The following ASS1 variants were observed in gnomAD, a reference collection of about 807,000 sequenced individuals.
ASS1 encodes argininosuccinate synthase.
ASS1 carries 58 observed loss-of-function variants against 60.5 expected under a neutral mutation model. That is an observed-to-expected ratio of 0.96 (90% confidence interval 0.78 to 1.19). The LOEUF is 1.19. Among genes scored for constraint, ASS1 ranks in the 50% most tolerant of loss-of-function variants. ASS1 has a pLI of 0.00. For missense variants in ASS1, 454 were observed against 547.3 expected (o/e 0.83, Z 1.70); for synonymous variants, 200 against 206.9 (o/e 0.97, Z 0.29).
At chr9:130,493,742 C>A (rs544202924) in intron 12 of ASS1, among the ~76,000 whole-genome samples, 2 of 151,792 alleles carry the variant, frequency 1.3e-5, no homozygotes, top group Admixed American at 1.3e-4. Context: ...TCCCTCCCCC[C>A]GCCATGGCCT....
intron 8 of ASS1, among the ~76,000 whole-genome samples, chr9:130,474,454 TCGGG>T (rs1280533538): frequency 1.3e-5 from 2 of 152,040 alleles, no homozygotes; most frequent in Non-Finnish European, 2.9e-5. Context: ...CAGTTGACAG[TCGGG>T]CCCAGCGCAG....
chr9:130,494,877 C>T lies in ASS1; in HGVS notation c.981C>T (p.His327=). ...TTTTCCTCCCTGTAGGTTTCTGGCA[C>T]AGCCCTGAGTGTGAATTTGTCCGCC... The part of the protein sequence containing the change: ...FAELVYTGFW[H]SPECEFVRHC... The change falls in exon 13 of 15, where the codon CAC becomes CAT. Residue 327 remains histidine (H), a synonymous_variant. Coordinates refer to ENST00000352480, the MANE Select transcript of ASS1 (RefSeq NM_054012.4). The surrounding 1 kb of genome is among the most constrained non-coding windows in gnomAD (Gnocchi z 4.3). 2 of 1,613,448 alleles carry T rather than the reference C, an allele frequency of 1.2e-6. No homozygotes were observed. Among genetic ancestry groups the T allele is most frequent in the Non-Finnish European group, 1.7e-6 (2 of 1,179,870 alleles).
intron 4 of ASS1, among the ~76,000 whole-genome samples, chr9:130,458,844 A>C (rs1212845122): frequency 6.6e-6 from 1 of 152,214 alleles, no homozygotes; most frequent in Non-Finnish European, 1.5e-5. Context: ...CCCATTTGGC[A>C]GACTTGCTGC....
At position 130,448,909 on chromosome 9, in the gene ASS1, T is replaced by A. The variant is rs116207833; in HGVS notation, c.-5-3315T>A. Among the ~76,000 whole-genome samples, 1,333 of 152,264 alleles carry A rather than the reference T, an allele frequency of 8.8e-3. 21 individuals carry two copies. The highest frequency in any genetic ancestry group is 0.03 in the African/African-American group (1,242 of 41,562). On this transcript the variant is annotated intron_variant, in intron 1 of 14. Transcript: ENST00000352480. The stretch of plus-strand genomic sequence containing the variant: ...CCACAGCTTCAGGGCACCCCAGCCC[T>A]CTTTTTGCGGTGAGGAGCTGACCTC...
chr9:130,492,902 G>A (rs554718635), intron 12 of ASS1, among the ~76,000 whole-genome samples: 168 of 152,252 alleles, frequency 1.1e-3, no homozygotes, highest in African/African-American at 3.2e-3. Context: ...GGCTGGGTCC[G>A]CTGGGAAAAG....
chr9:130,478,034 A>C lies in ASS1; in HGVS notation c.688+1073A>C, dbSNP rs1341236930. Among the ~76,000 whole-genome samples the C allele has an allele frequency of 6.6e-6, 1 of 152,110 alleles. No homozygotes were observed. Among genetic ancestry groups the C allele is most frequent in the Non-Finnish European group, 1.5e-5 (1 of 68,020 alleles). The stretch of plus-strand genomic sequence containing the variant: ...CTTCACCATGCTGGGCCTTGGGTGC[A>C]CTCATCAAAAAACGGACCACAGGCA... On this transcript the variant is annotated intron_variant, in intron 9 of 14. Coordinates refer to ENST00000352480, the MANE Select transcript of ASS1 (RefSeq NM_054012.4). The surrounding 1 kb of genome is among the most constrained non-coding windows in gnomAD (Gnocchi z 4.7).
In ASS1 at chr9:130,469,828, A is replaced by G. The variant is rs151129705; in HGVS notation, c.496-1006A>G. On this transcript the variant is annotated intron_variant, in intron 6 of 14. Coordinates refer to ENST00000352480, the MANE Select transcript of ASS1 (RefSeq NM_054012.4). ...TTGGGAATGAGCCTGAGTGGGGTCG[A>G]TCCCATCAGGAGAGAGATGGGAGGG... 7.2e-5 allele frequency among the ~76,000 whole-genome samples: 11 copies of G among 152,198 alleles called. No homozygotes were observed. The East Asian group carries it at 2.1e-3, about 29-fold the overall frequency.
intron 13 of ASS1, among the ~76,000 whole-genome samples, chr9:130,497,985 C>G (rs972378619): frequency 6.6e-6 from 1 of 152,158 alleles, no homozygotes; most frequent in Admixed American, 6.5e-5. Context: ...AGTGCCTGAG[C>G]CCTGGAGGGG....
At chr9:130,479,925 C>T (rs908574639) in intron 10 of ASS1, 125 bp downstream of exon 10, 5 of 1,117,058 alleles carry the variant, frequency 4.5e-6, no homozygotes, top group African/African-American at 1.5e-5. Flanking sequence ...CATGTCCCTT[C>T]CCCATAGCCA....
rs1588486777 is a variant in ASS1, at chr9:130,470,673, C to A, written c.496-161C>A. Among the ~76,000 whole-genome samples the A allele has an allele frequency of 1.3e-5, 2 of 152,240 alleles. No homozygotes were observed. Among genetic ancestry groups the A allele is most frequent in the East Asian group, 3.9e-4 (2 of 5,178 alleles). ...TCTGGGGCATGTCCAGCAATAGGGTCCCCCCAGGGAGGTGACCGTGACCAA... is the reference window on the plus strand; with the variant it reads ...TCTGGGGCATGTCCAGCAATAGGGTACCCCCAGGGAGGTGACCGTGACCAA... On this transcript the variant is annotated intron_variant, in intron 6 of 14. Transcript: ENST00000352480. The surrounding 1 kb of genome is among the most constrained non-coding windows in gnomAD (Gnocchi z 4.3).
intron 12 of ASS1, among the ~76,000 whole-genome samples, chr9:130,490,672 C>T (rs1208704776): frequency 6.6e-6 from 1 of 152,180 alleles, no homozygotes; most frequent in Non-Finnish European, 1.5e-5. Context: ...TATTTCATGA[C>T]AAATTATATA....
At chr9:130,480,513 ACCCTGTC>A (rs1820817070) in intron 11 of ASS1, 64 bp downstream of exon 11, 1 of 1,572,144 alleles carries the variant, frequency 6.4e-7, no homozygotes, top group Admixed American at 1.7e-5. Flanking sequence ...GATCCCTGAG[ACCCTGTC>A]CCCTTTGGAC....
At chr9:130,487,398 T>C (rs1846327544) in intron 11 of ASS1, among the ~76,000 whole-genome samples, 1 of 83,890 alleles carries the variant, frequency 1.2e-5, no homozygotes, top group African/African-American at 3.4e-5. Flanking sequence ...ATATCCTTCA[T>C]GGTTTTTTTT....
intron 8 of ASS1, among the ~76,000 whole-genome samples, chr9:130,471,746 C>T (rs1331858286): frequency 6.6e-6 from 1 of 152,054 alleles, no homozygotes; most frequent in Non-Finnish European, 1.5e-5. Flanking sequence ...CTAATTGCCT[C>T]TGGGATGAAC....
chr9:130,467,626 A>T (rs1162564396), intron 6 of ASS1, among the ~76,000 whole-genome samples: 2 of 152,152 alleles, frequency 1.3e-5, no homozygotes, highest in Non-Finnish European at 1.5e-5. Flanking sequence ...GACCTTCTCC[A>T]CCATCTGTTG....
At chr9:130,467,999 C>G (rs1028608463) in intron 6 of ASS1, among the ~76,000 whole-genome samples, 4 of 152,224 alleles carry the variant, frequency 2.6e-5, no homozygotes, top group African/African-American at 9.6e-5. Context: ...CAGCTTCCAT[C>G]CCAAATAACC....
At chr9:130,455,262 TATCC>T (rs898941452) in intron 3 of ASS1, among the ~76,000 whole-genome samples, 4 of 150,882 alleles carry the variant, frequency 2.7e-5, no homozygotes, top group African/African-American at 9.8e-5. Context: ...ATCCATCATC[TATCC>T]ATCCATCCCA....
chr9:130,452,084 C>G, intron 1 of ASS1, 140 bp from the exon 2 acceptor site: 2 of 759,064 alleles, frequency 2.6e-6, no homozygotes, highest in Non-Finnish European at 2.3e-6. Context: ...AGGTGAACAT[C>G]CTGTTCCCGA....
rs555323296 is a variant in ASS1 at position 130,488,413 on chromosome 9, C to T, written c.839-920C>T. Among the ~76,000 whole-genome samples the T allele has an allele frequency of 2.6e-5, 4 of 152,264 alleles. No individual in the cohort carries two copies. The highest frequency in any genetic ancestry group is 1.9e-4 in the East Asian group (1 of 5,160). On this transcript the variant is annotated intron_variant, in intron 11 of 14. Coordinates refer to ENST00000352480, the MANE Select transcript of ASS1 (RefSeq NM_054012.4). This position sits in a 1 kb window ranked among gnomAD's most constrained non-coding sequence, Gnocchi z 5.2. ...CCAAGGGCCAGCTCTGAAGTTGATG[C>T]GAGAGGTCGCACTCCTGGGGCAAGA...
Sources: gnomAD v4.1 joint callset for allele counts (sites outside exome capture counted in the v4.1 genomes callset) on GRCh38, gnomAD v4.1.1 for gene constraint, Gnocchi (gnomAD v3.1) non-coding constraint, MANE v1.5 for transcripts, NCBI Gene and HGNC (gene_info 2026-07-23, HGNC 2026-07-21) for gene names.